The following KCNIP4 variants were observed in gnomAD, a reference collection of about 807,000 sequenced individuals.
KCNIP4 encodes Kv channel-interacting protein 4.
In KCNIP4, 12 loss-of-function variants were observed where a neutral mutation model predicts 34.0. The observed-to-expected ratio is 0.35, with a 90% CI of 0.23 to 0.57. KCNIP4 has a LOEUF of 0.57. Ranked by LOEUF, KCNIP4 falls within the 20% of genes least tolerant of loss-of-function variation. The probability of loss-of-function intolerance (pLI) is 0.83; values close to 1 mark genes in which losing one functional copy is unlikely to be tolerated. For synonymous variants in KCNIP4, 124 were observed against 102.2 expected (o/e 1.21, Z -1.29); for missense variants, 238 against 311.7 (o/e 0.76, Z 1.78).
intron 1 of KCNIP4, among the ~76,000 whole-genome samples, chr4:21,529,177 A>G (rs1015145782): frequency 3.9e-5 from 6 of 152,164 alleles, no homozygotes; most frequent in African/African-American, 7.2e-5. Flanking sequence ...AGCAGCATGG[A>G]TTTGGCCCAT....
At chr4:21,806,397 C>A (rs1366077910) in intron 1 of KCNIP4, among the ~76,000 whole-genome samples, 5 of 152,108 alleles carry the variant, frequency 3.3e-5, no homozygotes, top group Admixed American at 2.6e-4. Flanking sequence ...GTAGTTATTA[C>A]ATTAATGTTA....
At chr4:20,860,185 G>T (rs1031397911) in intron 2 of KCNIP4, among the ~76,000 whole-genome samples, 2 of 151,702 alleles carry the variant, frequency 1.3e-5, no homozygotes, top group Non-Finnish European at 2.9e-5. Context: ...TGTTGCCCAG[G>T]TTGGAGTGCA....
At chr4:21,739,542 T>C (rs773133303) in intron 1 of KCNIP4, among the ~76,000 whole-genome samples, 3 of 152,030 alleles carry the variant, frequency 2.0e-5, no homozygotes, top group Non-Finnish European at 4.4e-5. Flanking sequence ...CATGAAAACT[T>C]ATATTGAAAA....
At chr4:21,262,444 C>A (rs1761532693) in intron 1 of KCNIP4, among the ~76,000 whole-genome samples, 1 of 152,158 alleles carries the variant, frequency 6.6e-6, no homozygotes, top group Non-Finnish European at 1.5e-5. Flanking sequence ...TCCCGCTTCA[C>A]CCCAGAGTGC....
At chr4:20,909,508 C>T (rs769957496) in intron 1 of KCNIP4, among the ~76,000 whole-genome samples, 2 of 152,130 alleles carry the variant, frequency 1.3e-5, no homozygotes, top group African/African-American at 4.8e-5. Context: ...CTATCATCCC[C>T]CAAAGCACCC....
At chr4:21,706,752 C>T (rs1214698552) in intron 1 of KCNIP4, among the ~76,000 whole-genome samples, 1 of 152,098 alleles carries the variant, frequency 6.6e-6, no homozygotes, top group African/African-American at 2.4e-5. Context: ...GTGGTGTGTT[C>T]TGTGTATCTC....
chr4:20,895,270 T>A (rs1343084727), intron 1 of KCNIP4, among the ~76,000 whole-genome samples: 1 of 152,212 alleles, frequency 6.6e-6, no homozygotes, highest in East Asian at 1.9e-4. Flanking sequence ...TTGAATATAG[T>A]CCTGAGAGCA....
At chr4:21,309,643 G>A (rs1712908205) in intron 1 of KCNIP4, among the ~76,000 whole-genome samples, 1 of 152,120 alleles carries the variant, frequency 6.6e-6, no homozygotes, top group Non-Finnish European at 1.5e-5. Flanking sequence ...TAAACCCTAT[G>A]AGGCAGCTAC....
At chr4:21,695,519 C>G (rs1454219949) in intron 1 of KCNIP4, among the ~76,000 whole-genome samples, 1 of 151,918 alleles carries the variant, frequency 6.6e-6, no homozygotes, top group African/African-American at 2.4e-5. Flanking sequence ...GCTTAAAATA[C>G]TACTGCTATA....
At chr4:21,270,898 A>G (rs979263079) in intron 1 of KCNIP4, among the ~76,000 whole-genome samples, 7 of 149,726 alleles carry the variant, frequency 4.7e-5, no homozygotes, top group Non-Finnish European at 8.9e-5. Context: ...AGGCAGGAGA[A>G]TTGCTTGAAC....
intron 1 of KCNIP4, among the ~76,000 whole-genome samples, chr4:21,158,113 A>G (rs1041093742): frequency 2.6e-5 from 4 of 152,140 alleles, no homozygotes; most frequent in Non-Finnish European, 4.4e-5. Context: ...TCAGGAAGAA[A>G]TAGGTACTCT....
chr4:21,202,731 T>C (rs891659250), intron 1 of KCNIP4, among the ~76,000 whole-genome samples: 4 of 152,202 alleles, frequency 2.6e-5, no homozygotes, highest in Admixed American at 2.6e-4. Flanking sequence ...ATGGCTTCTA[T>C]CTTATTCCTC....
At chr4:21,946,942 C>T (rs1730543054) in intron 1 of KCNIP4, among the ~76,000 whole-genome samples, 1 of 152,158 alleles carries the variant, frequency 6.6e-6, no homozygotes, top group Non-Finnish European at 1.5e-5. Context: ...ACCCATGACC[C>T]TGTGCATAGT....
chr4:21,334,692 G>A (rs1429546909), intron 1 of KCNIP4, among the ~76,000 whole-genome samples: 1 of 151,836 alleles, frequency 6.6e-6, no homozygotes, highest in Non-Finnish European at 1.5e-5. Flanking sequence ...CCCACCCCAG[G>A]CAAACACTAG....
chr4:21,470,238 G>C (rs755226329), intron 1 of KCNIP4, among the ~76,000 whole-genome samples: 1 of 152,126 alleles, frequency 6.6e-6, no homozygotes, highest in Non-Finnish European at 1.5e-5. Context: ...ATAATGACTA[G>C]TCTGGAGTGG....
chr4:21,929,709 T>A (rs1195363244), intron 1 of KCNIP4, among the ~76,000 whole-genome samples: 1 of 152,090 alleles, frequency 6.6e-6, no homozygotes, highest in East Asian at 1.9e-4. Context: ...CTCTCCCACA[T>A]CTCCTTAATC....
chr4:21,837,262 G>A (rs147105192), intron 1 of KCNIP4, among the ~76,000 whole-genome samples: 2,086 of 150,554 alleles, frequency 0.014, 39 homozygotes, highest in African/African-American at 0.047. Flanking sequence ...GGCCAAGGGC[G>A]GTGGCTCACG....
In KCNIP4 at chr4:21,190,146, G is replaced by A. The variant is rs144854084; in HGVS notation, c.62-307437C>T. ...GCATGTTCCCAAACTGCAATTCTTT[G>A]GAGTCTCTTGAGTCATCTTTTAGTT... On this transcript the variant is annotated intron_variant, in intron 1 of 8. Coordinates refer to ENST00000382152, the MANE Select transcript of KCNIP4 (RefSeq NM_025221.6). Among the ~76,000 whole-genome samples, 11 of 152,210 alleles carry A rather than the reference G, an allele frequency of 7.2e-5. No homozygotes were observed. The East Asian group carries it at 2.1e-3, about 29-fold the overall frequency.
chr4:21,406,916 G>T (rs1724043415), intron 1 of KCNIP4, among the ~76,000 whole-genome samples: 1 of 152,130 alleles, frequency 6.6e-6, no homozygotes, highest in African/African-American at 2.4e-5. Context: ...TGACTTTTAG[G>T]TTGATGGTTA....
Sources: allele counts gnomAD v4.1 joint callset (sites outside exome capture counted in the v4.1 genomes callset), GRCh38; gene constraint gnomAD v4.1.1; transcripts MANE v1.5; gene names NCBI Gene and HGNC (gene_info 2026-07-23, HGNC 2026-07-21).